The following TANC2 variants were observed in gnomAD, a reference collection of about 807,000 sequenced individuals.
TANC2 encodes protein TANC2.
Under a neutral mutation model 210.5 loss-of-function variants are expected in TANC2, and 26 were observed. The ratio of observed to expected loss-of-function variants is 0.12; its 90% CI spans 0.09 to 0.17. The LOEUF (loss-of-function observed/expected upper bound fraction) is 0.17. TANC2 is among the 10% of genes least tolerant of loss of function. TANC2 has a pLI of 1.00. For synonymous variants in TANC2, 931 were observed against 967.1 expected (o/e 0.96, Z 0.69); for missense variants, 2,129 against 2,608.9 (o/e 0.82, Z 4.01).
At chr17:63,372,045 G>GA (rs2047284414) in intron 14 of TANC2, among the ~76,000 whole-genome samples, 1 of 152,176 alleles carries the variant, frequency 6.6e-6, no homozygotes, top group African/African-American at 2.4e-5. Context: ...CAGCAAAGGG[G>GA]AGGAGGGAGA....
chr17:63,297,624 A>G (rs1300848011), intron 9 of TANC2, among the ~76,000 whole-genome samples: 2 of 152,188 alleles, frequency 1.3e-5, no homozygotes, highest in African/African-American at 2.4e-5. Flanking sequence ...GAGTACAGGA[A>G]AAATCCTCAT....
chr17:63,140,386 A>G (rs1317383366), intron 4 of TANC2, among the ~76,000 whole-genome samples: 1 of 152,188 alleles, frequency 6.6e-6, no homozygotes, highest in Admixed American at 6.5e-5. Flanking sequence ...AATTCACCCA[A>G]CAAATGTTGG....
At chr17:63,217,175 AC>A (rs1695739746) in intron 7 of TANC2, among the ~76,000 whole-genome samples, 1 of 152,202 alleles carries the variant, frequency 6.6e-6, no homozygotes, top group African/African-American at 2.4e-5. Flanking sequence ...AAGAAGTTCA[AC>A]CGAATGTAAG....
chr17:63,012,987 G>T (rs1005753364), intron 2 of TANC2, among the ~76,000 whole-genome samples: 1 of 151,940 alleles, frequency 6.6e-6, no homozygotes, highest in African/African-American at 2.4e-5. Flanking sequence ...CTTTAGTGAG[G>T]AGTCATCTAT....
exon 17 of TANC2, chr17:63,389,366 A>G: frequency 6.2e-7 from 1 of 1,614,036 alleles, no homozygotes; most frequent in Non-Finnish European, 8.5e-7. Flanking sequence ...GAGGTTTTAA[A>G]TAATGCTCCA....
rs572681287 is a variant in TANC2, at chr17:63,084,752, G to A, written c.139+10738G>A. On this transcript the variant is annotated intron_variant, in intron 3 of 27. Coordinates refer to ENST00000689528, the Ensembl canonical transcript of TANC2. ...TCTTTGAACTGTGTGTTATTTAAAT[G>A]TGTGTTTACTATCCAAGTATTTTGG... Among the ~76,000 whole-genome samples the A allele has an allele frequency of 1.3e-3, 200 of 152,144 alleles. 2 individuals carry two copies. Among genetic ancestry groups the A allele is most frequent in the African/African-American group, 4.5e-3 (187 of 41,534 alleles).
chr17:63,326,314 CAACT>C (rs1177808012), intron 11 of TANC2, among the ~76,000 whole-genome samples: 2 of 152,158 alleles, frequency 1.3e-5, no homozygotes, highest in African/African-American at 4.8e-5. Flanking sequence ...TGGGCTGAGA[CAACT>C]AAATAACCAT....
intron 2 of TANC2, among the ~76,000 whole-genome samples, chr17:63,020,076 G>A (rs910569280): frequency 6.6e-6 from 1 of 152,180 alleles, no homozygotes; most frequent in East Asian, 1.9e-4. Flanking sequence ...ACAGGCATGT[G>A]CCGCCATGCC....
chr17:63,400,931 G>A (rs954328225), intron 19 of TANC2, among the ~76,000 whole-genome samples: 1 of 152,006 alleles, frequency 6.6e-6, no homozygotes, highest in Non-Finnish European at 1.5e-5. Context: ...AGGGTTACAG[G>A]TGTGAGCCAC....
rs199699884 is a variant in TANC2, at chr17:63,253,801, G to GGTT, written c.1034-13946_1034-13944dup. Among the ~76,000 whole-genome samples, 1,170 of 151,712 alleles carry GGTT rather than the reference G, an allele frequency of 7.7e-3. 6 individuals carry two copies. Among genetic ancestry groups the GGTT allele is most frequent in the Non-Finnish European group, 0.012 (808 of 67,908 alleles). On this transcript the variant is annotated intron_variant, in intron 8 of 27. Coordinates refer to ENST00000689528, the Ensembl canonical transcript of TANC2. The stretch of plus-strand genomic sequence containing the variant: ...ACACCCAACTAATTTTTGGTTTGAG[G>GGTT]GTTTTTGTTGTTGTTGTTGTTGTTT...
intron 8 of TANC2, among the ~76,000 whole-genome samples, chr17:63,251,850 G>T (rs2043061650): frequency 6.6e-6 from 1 of 152,044 alleles, no homozygotes; most frequent in Non-Finnish European, 1.5e-5. Flanking sequence ...GTCTGAAATT[G>T]AGAAATGTGC....
chr17:63,123,625 G>A (rs1446040675), intron 4 of TANC2, among the ~76,000 whole-genome samples: 1 of 147,634 alleles, frequency 6.8e-6, no homozygotes, highest in Non-Finnish European at 1.5e-5. Context: ...GTTTTAAGCT[G>A]TAAATTTGGA....
intron 8 of TANC2, among the ~76,000 whole-genome samples, chr17:63,266,220 T>A (rs1256040816): frequency 6.6e-6 from 1 of 152,100 alleles, no homozygotes; most frequent in East Asian, 1.9e-4. Flanking sequence ...TTAATAAAAT[T>A]TTAATAAATT....
At chr17:63,149,644 T>C (rs970594185) in intron 4 of TANC2, 3 of 143,406 alleles carry the variant, frequency 2.1e-5, no homozygotes, top group African/African-American at 5.1e-5. Context: ...TAAGCAGTAT[T>C]GAATAAATAA....
chr17:63,151,293 G>A (rs1295706699), exon 5 of TANC2: 2 of 985,510 alleles, frequency 2.0e-6, no homozygotes, highest in Non-Finnish European at 2.4e-6. Flanking sequence ...GGCAAAGTTT[G>A]TTGAGAGCCC....
chr17:63,256,916 A>ATAACTATAGCTAC, intron 8 of TANC2, among the ~76,000 whole-genome samples: 1 of 152,274 alleles, frequency 6.6e-6, no homozygotes, highest in South Asian at 2.1e-4. Flanking sequence ...TTTGTCTGAT[A>ATAACTATAGCTAC]TAACTATAGC....
intron 2 of TANC2, among the ~76,000 whole-genome samples, chr17:63,067,262 C>A (rs1294150780): frequency 6.6e-6 from 1 of 152,094 alleles, no homozygotes; most frequent in Non-Finnish European, 1.5e-5. Context: ...GAAAAGACAA[C>A]AGATACCAAC....
exon 28 of TANC2, chr17:63,423,693 C>G (rs757558052): frequency 6.6e-6 from 1 of 152,190 alleles, no homozygotes; most frequent in Admixed American, 6.5e-5. Flanking sequence ...CATTTCTTTA[C>G]TAATTTAGAT....
chr17:63,196,353 T>G (rs915479722), intron 6 of TANC2, among the ~76,000 whole-genome samples: 3 of 152,232 alleles, frequency 2.0e-5, no homozygotes, highest in African/African-American at 4.8e-5. Flanking sequence ...TTTCTTGATA[T>G]TCATGTCAAG....
Sources: allele counts gnomAD v4.1 joint callset (sites outside exome capture counted in the v4.1 genomes callset), GRCh38; gene constraint gnomAD v4.1.1; transcripts MANE v1.5; gene names NCBI Gene and HGNC (gene_info 2026-07-23, HGNC 2026-07-21).